Variants in TOGARAM1 observed in about 807,000 individuals in gnomAD.
TOGARAM1 encodes the protein TOG array regulator of axonemal microtubules 1, also known as TOG array regulator of axonemal microtubules protein 1.
A neutral mutation model predicts 166.6 loss-of-function variants in TOGARAM1; 100 were observed. That is an observed-to-expected ratio of 0.60 (90% CI 0.51 to 0.71). The LOEUF is 0.71. TOGARAM1 is among the 30% of genes least tolerant of loss of function. The pLI is 0.00. For synonymous variants in TOGARAM1, 758 were observed against 763.8 expected (o/e 0.99, Z 0.13); for missense variants, 2,029 against 2,102.7 (o/e 0.96, Z 0.69).
At position 44,962,652 on chromosome 14, in the gene TOGARAM1, A is replaced by C; in HGVS notation, c.231A>C (p.Ala77=). ...CGGCCCTCTTGATGCCCTCGGAGGCAGTCTCAAGCAGCTGGTCTGAGTCTG... is the reference window on the plus strand; with the variant it reads ...CGGCCCTCTTGATGCCCTCGGAGGCCGTCTCAAGCAGCTGGTCTGAGTCTG... The part of the protein sequence containing the change: ...LASALLMPSE[A]VSSSWSESGG... The change falls in exon 1 of 20, where the codon GCA becomes GCC. Residue 77 remains alanine (A), a synonymous_variant. Coordinates refer to ENST00000361462, the MANE Select transcript of TOGARAM1 (RefSeq NM_001308120.2). 6.2e-7 allele frequency: 1 copy of C among 1,614,148 alleles called. No individual in the cohort carries two copies. The highest frequency in any genetic ancestry group is 1.3e-5 in the African/African-American group (1 of 75,062).
chr14:45,001,417 C>T (rs570328414), intron 3 of TOGARAM1, among the ~76,000 whole-genome samples: 43 of 152,216 alleles, frequency 2.8e-4, no homozygotes, highest in African/African-American at 9.4e-4. Context: ...TCACATTTAG[C>T]TAAAAAGCTT....
chr14:45,030,891 A>AT (rs1340819052), intron 10 of TOGARAM1, among the ~76,000 whole-genome samples: 2 of 152,156 alleles, frequency 1.3e-5, no homozygotes, highest in African/African-American at 4.8e-5. Flanking sequence ...AAATGCAATT[A>AT]TTTTCTCAGC....
rs145601878 is a variant in TOGARAM1 at position 45,027,521 on chromosome 14, G to A, written c.3504+47G>A. ...TAGAATAAATTTAAGCTTACAGTAT[G>A]TCATTGTTTTGTGTATATCAGATGT... On this transcript the variant is annotated intron_variant, in intron 9 of 19. Coordinates refer to ENST00000361462, the MANE Select transcript of TOGARAM1 (RefSeq NM_001308120.2). The A allele has an allele frequency of 7.5e-6, 11 of 1,468,312 alleles. No homozygotes were observed. In the African/African-American group the frequency reaches 9.9e-5, roughly 13 times the overall value. 91.0% of individuals were successfully genotyped at this position (1,468,312 alleles called of 1,614,324 possible). A position where few individuals can be genotyped will look rare whatever the true frequency, so the allele number is the denominator to read the frequency against.
chr14:45,048,674 TGTG>T (rs943478695), intron 14 of TOGARAM1, among the ~76,000 whole-genome samples: 4 of 151,750 alleles, frequency 2.6e-5, no homozygotes, highest in African/African-American at 9.7e-5. Flanking sequence ...TTCAATTCCT[TGTG>T]GTTATAAGAC....
intron 10 of TOGARAM1, among the ~76,000 whole-genome samples, chr14:45,029,599 T>G (rs569164326): frequency 1.3e-5 from 2 of 152,356 alleles, no homozygotes; most frequent in East Asian, 3.9e-4. Flanking sequence ...AGCTAAATTC[T>G]AATTGGATAT....
intron 3 of TOGARAM1, among the ~76,000 whole-genome samples, chr14:45,000,909 T>G (rs1304199869): frequency 6.6e-6 from 1 of 152,100 alleles, no homozygotes; most frequent in East Asian, 1.9e-4. Flanking sequence ...AATTTTTAAA[T>G]TTTTTGCAGA....
chr14:45,032,618 A>G (rs545864015), intron 11 of TOGARAM1, among the ~76,000 whole-genome samples: 1 of 152,342 alleles, frequency 6.6e-6, no homozygotes, highest in Admixed American at 6.5e-5. Flanking sequence ...ATAATGGATT[A>G]TGTAAACCCT....
At chr14:45,070,206 C>T (rs1055542585) in intron 18 of TOGARAM1, among the ~76,000 whole-genome samples, 4 of 151,822 alleles carry the variant, frequency 2.6e-5, no homozygotes, top group Admixed American at 6.6e-5. Flanking sequence ...AAAGATTATC[C>T]GTCATGTCCA....
At chr14:45,063,921 A>T (rs540966352) in intron 16 of TOGARAM1, among the ~76,000 whole-genome samples, 1 of 152,128 alleles carries the variant, frequency 6.6e-6, no homozygotes, top group African/African-American at 2.4e-5. Context: ...CCTTCCTTTG[A>T]TATGTTATCA....
intron 16 of TOGARAM1, among the ~76,000 whole-genome samples, chr14:45,056,962 A>ATTTG (rs534609133): frequency 1.3e-5 from 2 of 148,842 alleles, no homozygotes; most frequent in African/African-American, 2.6e-5. Flanking sequence ...TTATTTATTT[A>ATTTG]TTTGTTTGTT....
chr14:45,060,655 G>A (rs1311824182), intron 16 of TOGARAM1, among the ~76,000 whole-genome samples: 1 of 152,184 alleles, frequency 6.6e-6, no homozygotes, highest in Non-Finnish European at 1.5e-5. Context: ...ATTAAAAAAT[G>A]CTTTCTTAAC....
chr14:45,049,096 CTGCATTTCCT>C (rs1440695778), intron 14 of TOGARAM1, among the ~76,000 whole-genome samples: 2 of 136,640 alleles, frequency 1.5e-5, no homozygotes, highest in East Asian at 5.0e-4. Context: ...AGACTGAGGT[CTGCATTTCCT>C]TGCTGGCTGT....
intron 11 of TOGARAM1, among the ~76,000 whole-genome samples, chr14:45,033,797 A>G (rs1594675859): frequency 6.6e-6 from 1 of 152,220 alleles, no homozygotes; most frequent in Admixed American, 6.5e-5. Context: ...TCCTGCCAAC[A>G]TGGATTAACA....
At chr14:45,063,937 G>A (rs1482149479) in intron 16 of TOGARAM1, among the ~76,000 whole-genome samples, 2 of 152,072 alleles carry the variant, frequency 1.3e-5, no homozygotes, top group Non-Finnish European at 2.9e-5. Flanking sequence ...TATCACCCTT[G>A]ATATCTGATC....
At chr14:45,014,962 C>T (rs1880029478) in intron 7 of TOGARAM1, among the ~76,000 whole-genome samples, 1 of 152,092 alleles carries the variant, frequency 6.6e-6, no homozygotes, top group African/African-American at 2.4e-5. Flanking sequence ...CCCCAGCTAC[C>T]TCCTCTTCCT....
chr14:44,969,597 G>A (rs1048725403), intron 1 of TOGARAM1, among the ~76,000 whole-genome samples: 3 of 152,046 alleles, frequency 2.0e-5, no homozygotes, highest in South Asian at 2.1e-4. Context: ...CATGCCTTTG[G>A]TATCATATCT....
At chr14:45,022,628 G>T (rs1399033124) in intron 7 of TOGARAM1, among the ~76,000 whole-genome samples, 1 of 151,456 alleles carries the variant, frequency 6.6e-6, no homozygotes, top group Non-Finnish European at 1.5e-5. Context: ...CCATCCTGAG[G>T]GGAGGAAACT....
At chr14:45,040,890 T>C (rs1286974425) in intron 11 of TOGARAM1, among the ~76,000 whole-genome samples, 1 of 151,320 alleles carries the variant, frequency 6.6e-6, no homozygotes, top group Non-Finnish European at 1.5e-5. Flanking sequence ...AATACAAAAA[T>C]TGGCCAGGTG....
At chr14:44,991,366 A>G (rs950724527) in intron 1 of TOGARAM1, among the ~76,000 whole-genome samples, 3 of 152,062 alleles carry the variant, frequency 2.0e-5, no homozygotes, top group African/African-American at 7.2e-5. Context: ...TAAGCCATGT[A>G]GGTACCATTT....
Sources: gnomAD v4.1 joint callset for allele counts (sites outside exome capture counted in the v4.1 genomes callset) on GRCh38, gnomAD v4.1.1 for gene constraint, MANE v1.5 for transcripts, NCBI Gene and HGNC (gene_info 2026-07-23, HGNC 2026-07-21) for gene names.